Variants in PREX2 observed in about 807,000 individuals in gnomAD.
The protein encoded by PREX2 is phosphatidylinositol-3,4,5-trisphosphate dependent Rac exchange factor 2, also known as phosphatidylinositol 3,4,5-trisphosphate-dependent Rac exchanger 2 protein.
A neutral mutation model predicts 203.2 loss-of-function variants in PREX2; 107 were observed. The ratio of observed to expected loss-of-function variants is 0.53; its 90% CI spans 0.45 to 0.62. The LOEUF (loss-of-function observed/expected upper bound fraction) is 0.62, where lower values mean the gene tolerates loss of function less well. Among genes scored for constraint, PREX2 ranks in the 20% least tolerant of loss-of-function variants. The probability of loss-of-function intolerance (pLI) is 0.00; values close to 1 mark genes in which losing one functional copy is unlikely to be tolerated. For synonymous variants in PREX2, 672 were observed against 663.6 expected, an observed-to-expected ratio of 1.01 and a Z score of -0.19; for missense variants, 1,777 against 1,955.9, an observed-to-expected ratio of 0.91 and a Z score of 1.72.
chr8:67,957,686 CAGAATTTGAATGCATCTG>C (rs989308563), intron 1 of PREX2, among the ~76,000 whole-genome samples: 11 of 152,150 alleles, frequency 7.2e-5, no homozygotes, highest in African/African-American at 2.7e-4. Flanking sequence ...GCAAACAAAG[CAGAATTTGAATGCATCTG>C]AAATCAAACT....
chr8:68,218,035 G>A (rs1227743359), intron 38 of PREX2, among the ~76,000 whole-genome samples: 2 of 152,210 alleles, frequency 1.3e-5, no homozygotes, highest in Non-Finnish European at 2.9e-5. Flanking sequence ...AGGACATATG[G>A]CATTTTTTGG....
intron 1 of PREX2, among the ~76,000 whole-genome samples, chr8:67,995,490 A>G (rs1806740030): frequency 6.6e-6 from 1 of 152,218 alleles, no homozygotes; most frequent in Admixed American, 6.5e-5. Flanking sequence ...GTACTTCATT[A>G]ATCAAGATAC....
chr8:67,970,408 A>G (rs931684961), intron 1 of PREX2, among the ~76,000 whole-genome samples: 3 of 152,206 alleles, frequency 2.0e-5, no homozygotes, highest in Non-Finnish European at 4.4e-5. Flanking sequence ...TCAGCCTTTC[A>G]ACAACATGGT....
Position 68,118,629 on chromosome 8 carries a change from GATGAA to G in PREX2, c.3410_3414del (p.Glu1137GlyfsTer4). The stretch of plus-strand genomic sequence containing the variant: ...CCAGTGCAGCTCGTATTTCCACAGT[GATGAA>G]ATGGACTCAGGTGTGTTCGTTGGTG... On this transcript the variant is annotated frameshift_variant, in exon 27 of 40. Coordinates refer to ENST00000288368, the MANE Select transcript of PREX2 (RefSeq NM_024870.4). LOFTEE classifies it high-confidence loss of function. 1 of 1,613,450 alleles carries G rather than the reference GATGAA, an allele frequency of 6.2e-7. No homozygotes were observed.
chr8:68,027,125 A>T, intron 4 of PREX2, 97 bp from the exon 5 acceptor site: 1 of 831,404 alleles, frequency 1.2e-6, no homozygotes, highest in East Asian at 2.6e-5. Context: ...ATATGAAGAC[A>T]TATGCTTTCA....
rs879223028 is a variant in PREX2 at position 68,234,241 on chromosome 8, G to A, written c.*2863G>A. 3 of 152,096 alleles carry A rather than the reference G, an allele frequency of 2.0e-5. No individual in the cohort carries two copies. Among genetic ancestry groups the A allele is most frequent in the Non-Finnish European group, 4.4e-5 (3 of 68,018 alleles). 9.4% of individuals were successfully genotyped at this position (152,096 alleles called of 1,614,324 possible). A position where few individuals can be genotyped will look rare whatever the true frequency, so the allele number is the denominator to read the frequency against. ...CTCCATGTGACATTGGGCATTAAAT[G>A]GCCTTGAGGTTTTAGGATGTGTTTA... On this transcript the variant is annotated 3_prime_UTR_variant, in exon 40 of 40. Transcript: ENST00000288368.
chr8:68,043,004 T>G (rs1219184756), intron 7 of PREX2, among the ~76,000 whole-genome samples: 1 of 152,144 alleles, frequency 6.6e-6, no homozygotes, highest in Non-Finnish European at 1.5e-5. Flanking sequence ...TCAATATGAT[T>G]GGTTTTAAGT....
chr8:67,982,035 A>G (rs567909834), intron 1 of PREX2, among the ~76,000 whole-genome samples: 2 of 152,234 alleles, frequency 1.3e-5, no homozygotes, highest in South Asian at 2.1e-4. Context: ...TTTACCAGTG[A>G]ACAAGTAGAA....
intron 25 of PREX2, among the ~76,000 whole-genome samples, chr8:68,111,340 T>C (rs1352253879): frequency 6.6e-6 from 1 of 152,174 alleles, no homozygotes; most frequent in East Asian, 1.9e-4. Flanking sequence ...TTTACTGCAT[T>C]GACGATCTAG....
At chr8:68,115,511 A>G (rs956826357) in intron 25 of PREX2, among the ~76,000 whole-genome samples, 7 of 151,112 alleles carry the variant, frequency 4.6e-5, no homozygotes, top group Admixed American at 3.9e-4. Flanking sequence ...ATAGTCATAC[A>G]TGGCACAACC....
chr8:68,199,640 A>G (rs937241027), intron 37 of PREX2, among the ~76,000 whole-genome samples: 1 of 152,238 alleles, frequency 6.6e-6, no homozygotes, highest in African/African-American at 2.4e-5. Flanking sequence ...TTTATTTCAA[A>G]TGAAGATGAA....
At chr8:68,089,407 C>T (rs540348996) in intron 19 of PREX2, among the ~76,000 whole-genome samples, 5 of 152,250 alleles carry the variant, frequency 3.3e-5, no homozygotes, top group South Asian at 2.1e-4. Flanking sequence ...AGGAAGCCCT[C>T]GGAGTCTTCC....
At chr8:67,995,800 G>A (rs1806747616) in intron 1 of PREX2, among the ~76,000 whole-genome samples, 1 of 152,178 alleles carries the variant, frequency 6.6e-6, no homozygotes, top group Non-Finnish European at 1.5e-5. Flanking sequence ...GTTCCAACAT[G>A]AGTCTTTGGG....
At chr8:68,072,307 T>G (rs1322197671) in intron 13 of PREX2, among the ~76,000 whole-genome samples, 188 bp from the exon 14 acceptor site, 1 of 152,122 alleles carries the variant, frequency 6.6e-6, no homozygotes, top group African/African-American at 2.4e-5. Flanking sequence ...TGGTGGAGGA[T>G]TTTTCAGGTG....
At chr8:68,101,871 G>T (rs958502940) in intron 23 of PREX2, among the ~76,000 whole-genome samples, 4 of 152,194 alleles carry the variant, frequency 2.6e-5, no homozygotes, top group Admixed American at 6.5e-5. Context: ...CATGGAAAAT[G>T]GTAAACTATA....
chr8:68,065,588 A>G (rs1054540040), intron 11 of PREX2, among the ~76,000 whole-genome samples: 6 of 152,150 alleles, frequency 3.9e-5, no homozygotes, highest in Non-Finnish European at 8.8e-5. Context: ...AAGTCTTTTG[A>G]CTTTCTTCTG....
intron 1 of PREX2, among the ~76,000 whole-genome samples, chr8:68,000,742 A>G (rs2129609731): frequency 6.6e-6 from 1 of 152,300 alleles, no homozygotes; most frequent in Non-Finnish European, 1.5e-5. Flanking sequence ...TACTGGTACA[A>G]AAGCAGACAC....
intron 23 of PREX2, chr8:68,103,563 T>G (rs1810324912): frequency 1.9e-6 from 1 of 518,766 alleles, no homozygotes; most frequent in Non-Finnish European, 3.8e-6. Flanking sequence ...CTTTGATCTT[T>G]CTCCTGGAAA....
At chr8:68,197,464 C>A (rs1812419842) in intron 37 of PREX2, among the ~76,000 whole-genome samples, 1 of 152,070 alleles carries the variant, frequency 6.6e-6, no homozygotes, top group Admixed American at 6.6e-5. Flanking sequence ...GTTTTCTAAG[C>A]CCTCCCCAGC....
Sources: gnomAD v4.1 joint callset for allele counts (sites outside exome capture counted in the v4.1 genomes callset) on GRCh38, gnomAD v4.1.1 for gene constraint, MANE v1.5 for transcripts, NCBI Gene and HGNC (gene_info 2026-07-23, HGNC 2026-07-21) for gene names.